ATP2C2: variants seen among roughly 807,000 people sequenced by gnomAD.
ATP2C2 encodes the protein ATPase secretory pathway Ca2+ transporting 2, also known as calcium-transporting ATPase type 2C member 2.
ATP2C2 carries 171 observed loss-of-function variants against 110.8 expected under a neutral mutation model. The ratio of observed to expected loss-of-function variants is 1.54; its 90% CI spans 1.36 to 1.75. ATP2C2 has a LOEUF of 1.75. Ranked by LOEUF, ATP2C2 falls within the 40% of genes most tolerant of loss-of-function variation. ATP2C2 has a pLI of 0.00. For missense variants in ATP2C2, 1,963 were observed against 1,235.0 expected (o/e 1.59, Z -8.84); for synonymous variants, 804 against 508.4 (o/e 1.58, Z -7.82).
intron 8 of ATP2C2, 42 bp from the exon 9 acceptor site, chr16:84,422,587 C>T (rs1907445726): frequency 2.5e-6 from 4 of 1,611,314 alleles, no homozygotes; most frequent in Admixed American, 1.7e-5. Flanking sequence ...CCCACAGGCT[C>T]CCAGCCCTTA....
intron 1 of ATP2C2, among the ~76,000 whole-genome samples, chr16:84,379,932 CT>C (rs1323623143): frequency 3.5e-4 from 54 of 152,204 alleles, no homozygotes; most frequent in African/African-American, 1.3e-3. Flanking sequence ...GGTGGGAATG[CT>C]ACTGTTAAAG....
At position 84,413,831 on chromosome 16, in the gene ATP2C2, A is replaced by C. The variant is rs762516338; in HGVS notation, c.516-1652A>C. On this transcript the variant is annotated intron_variant, in intron 6 of 26. Coordinates refer to ENST00000262429, the MANE Select transcript of ATP2C2 (RefSeq NM_014861.4). ...TTACTCCATCCCTGGTGCAGGCATC[A>C]AATATTTATTGAGCACCTACTGTAT... Among the ~76,000 whole-genome samples the C allele has an allele frequency of 2.6e-5, 4 of 152,164 alleles. No individual in the cohort carries two copies. In the East Asian group the frequency reaches 7.7e-4, roughly 29 times the overall value.
At chr16:84,442,255 C>T (rs1037549981) in intron 14 of ATP2C2, among the ~76,000 whole-genome samples, 2 of 152,146 alleles carry the variant, frequency 1.3e-5, no homozygotes, top group African/African-American at 2.4e-5. Flanking sequence ...GGTCGCTCCC[C>T]GTTACCCCAC....
Position 84,408,388 on chromosome 16 carries a change from TG to T in ATP2C2, c.328-16del. 6.2e-7 allele frequency: 1 copy of T among 1,611,362 alleles called. No individual in the cohort carries two copies. Among genetic ancestry groups the T allele is most frequent in the Non-Finnish European group, 8.5e-7 (1 of 1,177,684 alleles). ...TGAGACTAAAGAACGTGCCCCACCC[TG>T]TTATTTCCTCTTCAGTTTAAGAACC... is the stretch of plus-strand genomic sequence containing the variant. On this transcript the variant is annotated splice_polypyrimidine_tract_variant and intron_variant, in intron 3 of 26. Coordinates refer to ENST00000262429, the MANE Select transcript of ATP2C2 (RefSeq NM_014861.4).
rs569127961 is a variant in ATP2C2, at chr16:84,419,776, C to T, written c.625-2614C>T. On this transcript the variant is annotated intron_variant, in intron 7 of 26. Coordinates refer to ENST00000262429, the MANE Select transcript of ATP2C2 (RefSeq NM_014861.4). ...ACCGTGCAGGAAGCAGACCTGGTCC[C>T]TGTGCTCGTGAGTTTATAGCCCAGA... 2.7e-4 allele frequency among the ~76,000 whole-genome samples: 41 copies of T among 152,296 alleles called. No homozygotes were observed. The South Asian group carries it at 8.5e-3, about 32-fold the overall frequency.
chr16:84,398,628 T>C lies in ATP2C2; in HGVS notation c.210+19T>C, dbSNP rs373338492. The C allele has an allele frequency of 3.8e-6, 6 of 1,569,880 alleles. No individual in the cohort carries two copies. Among genetic ancestry groups the C allele is most frequent in the Admixed American group, 3.5e-5 (2 of 56,994 alleles). On this transcript the variant is annotated intron_variant, in intron 2 of 26. Transcript: ENST00000262429. ...GTTTTGTGTAAGAATTGAATTTGCATCTGGAGCTAATTGTGATAAGGTTTT... is the reference window on the plus strand; with the variant it reads ...GTTTTGTGTAAGAATTGAATTTGCACCTGGAGCTAATTGTGATAAGGTTTT...
At chr16:84,460,498 C>T in intron 23 of ATP2C2, 156 bp from the exon 24 acceptor site, 3 of 990,432 alleles carry the variant, frequency 3.0e-6, no homozygotes, top group South Asian at 1.4e-5. Context: ...CTGGAAGGTG[C>T]CGAGGAGGGC....
At position 84,462,083 on chromosome 16, in the gene ATP2C2, C is replaced by G. The variant is rs748538382; in HGVS notation, c.2676C>G (p.Ile892Met). 6.2e-7 allele frequency: 1 copy of G among 1,613,864 alleles called. No homozygotes were observed. Residue 892 changes from isoleucine (I) to methionine (M), a missense_variant, in exon 26 of 27, where the codon ATC (isoleucine) becomes ATG (methionine). By Grantham distance (10) the Ile-to-Met change is conservative. Transcript: ENST00000262429. The stretch of plus-strand genomic sequence containing the variant: ...TGGGGCAGCTGGCGGTCATTTACAT[C>G]CCCCCGCTGCAGAGGGTCTTCCAGA... ...SILGQLAVIY[I>M]PPLQRVFQTE... is the part of the protein sequence containing the mutation.
chr16:84,455,054 G>T, intron 21 of ATP2C2, 70 bp downstream of exon 21: 2 of 1,397,796 alleles, frequency 1.4e-6, no homozygotes, highest in Non-Finnish European at 2.0e-6. Context: ...CCTGGAACCT[G>T]CTACTGTGGA....
chr16:84,400,401 A>C (rs1193198380), intron 2 of ATP2C2, among the ~76,000 whole-genome samples: 2 of 148,914 alleles, frequency 1.3e-5, no homozygotes, highest in African/African-American at 5.0e-5. Flanking sequence ...ATCTCTGCTC[A>C]CTGCAAGCTC....
At chr16:84,424,871 G>A (rs1457791751) in intron 10 of ATP2C2, among the ~76,000 whole-genome samples, 1 of 152,112 alleles carries the variant, frequency 6.6e-6, no homozygotes, top group East Asian at 1.9e-4. Flanking sequence ...CTTCTACTAT[G>A]GGAATGCCAC....
At chr16:84,434,720 G>A (rs934810125) in intron 11 of ATP2C2, among the ~76,000 whole-genome samples, 1 of 151,770 alleles carries the variant, frequency 6.6e-6, no homozygotes, top group Non-Finnish European at 1.5e-5. Context: ...GTTTCAACAC[G>A]TTGGCCAGGC....
intron 1 of ATP2C2, among the ~76,000 whole-genome samples, chr16:84,397,783 T>G (rs1905086282): frequency 6.6e-6 from 1 of 151,450 alleles, no homozygotes; most frequent in Non-Finnish European, 1.5e-5. Context: ...AGTGGAATAC[T>G]AAGCTGCTGT....
At chr16:84,420,055 C>T (rs1012315505) in intron 7 of ATP2C2, among the ~76,000 whole-genome samples, 7 of 152,148 alleles carry the variant, frequency 4.6e-5, no homozygotes, top group African/African-American at 1.7e-4. Flanking sequence ...GCCATGGGGG[C>T]ACCTAAAACC....
chr16:84,373,958 C>G (rs1408000024), intron 1 of ATP2C2, among the ~76,000 whole-genome samples: 2 of 152,208 alleles, frequency 1.3e-5, no homozygotes, highest in African/African-American at 4.8e-5. Context: ...GATAATCAGA[C>G]TCAAACTCAA....
At chr16:84,454,726 G>T in intron 20 of ATP2C2, 92 bp from the exon 21 acceptor site, 1 of 1,344,658 alleles carries the variant, frequency 7.4e-7, no homozygotes, top group Non-Finnish European at 9.9e-7. Context: ...CCTCCAGACA[G>T]AGGTGTCTGT....
intron 1 of ATP2C2, among the ~76,000 whole-genome samples, chr16:84,381,665 C>T (rs12149169): frequency 0.027 from 4,140 of 152,310 alleles, 100 homozygotes; most frequent in South Asian, 0.05. Context: ...ACTATTCTGC[C>T]CACTCCATGC....
chr16:84,377,007 G>C (rs2151396228), intron 1 of ATP2C2, among the ~76,000 whole-genome samples: 1 of 152,328 alleles, frequency 6.6e-6, no homozygotes, highest in South Asian at 2.1e-4. Flanking sequence ...CGCTTCAGAG[G>C]CTAATAATCC....
chr16:84,402,003 C>G (rs1242539655), intron 2 of ATP2C2, among the ~76,000 whole-genome samples: 3 of 152,112 alleles, frequency 2.0e-5, no homozygotes, highest in Non-Finnish European at 4.4e-5. Context: ...TCTTCAGTTT[C>G]TTGCATCAAT....
Sources: gnomAD v4.1 joint callset for allele counts (sites outside exome capture counted in the v4.1 genomes callset) on GRCh38, gnomAD v4.1.1 for gene constraint, MANE v1.5 for transcripts, NCBI Gene and HGNC (gene_info 2026-07-23, HGNC 2026-07-21) for gene names.